Variants in TASP1 observed in about 807,000 individuals in gnomAD.
The protein encoded by TASP1 is taspase 1.
Under a neutral mutation model 56.6 loss-of-function variants are expected in TASP1, and 16 were observed. That is an observed-to-expected ratio of 0.28 (90% CI 0.19 to 0.43). The LOEUF (loss-of-function observed/expected upper bound fraction) is 0.43. TASP1 is among the 20% of genes least tolerant of loss of function. The pLI is 1.00. For missense variants in TASP1, 393 were observed against 511.6 expected (o/e 0.77, Z 2.24); for synonymous variants, 179 against 184.2 (o/e 0.97, Z 0.23).
the TASP1 span, among the ~76,000 whole-genome samples, chr20:13,236,071 C>A: frequency 0.27 from 40,516 of 151,750 alleles, 5,647 homozygotes; most frequent in African/African-American, 0.36. Flanking sequence ...ATTACAGGCA[C>A]CCACCACCAC....
the TASP1 span, among the ~76,000 whole-genome samples, chr20:13,310,126 T>C: frequency 6.6e-6 from 1 of 152,106 alleles, no homozygotes; most frequent in Non-Finnish European, 1.5e-5. Context: ...AAATACTAAA[T>C]AGCCAAAGCA....
chr20:13,348,784 T>C, the TASP1 span, among the ~76,000 whole-genome samples: 200 of 152,288 alleles, frequency 1.3e-3, no homozygotes, highest in African/African-American at 4.5e-3. Flanking sequence ...CTGCTTCCTG[T>C]TATGTTGCCA....
At chr20:13,614,228 G>A (rs1043832036) in intron 4 of TASP1, among the ~76,000 whole-genome samples, 2 of 152,080 alleles carry the variant, frequency 1.3e-5, no homozygotes, top group Non-Finnish European at 2.9e-5. Context: ...CACATTCTGT[G>A]AACACTTGAG....
intron 11 of TASP1, among the ~76,000 whole-genome samples, chr20:13,454,578 T>A (rs2043756718): frequency 6.6e-6 from 1 of 152,136 alleles, no homozygotes; most frequent in Non-Finnish European, 1.5e-5. Context: ...CTGCTCCCCA[T>A]CAGGGGGCCC....
chr20:13,255,953 T>C, the TASP1 span, among the ~76,000 whole-genome samples: 1 of 151,744 alleles, frequency 6.6e-6, no homozygotes, highest in African/African-American at 2.4e-5. Flanking sequence ...ACTGCAGTTA[T>C]AAAGAGGGAA....
the TASP1 span, among the ~76,000 whole-genome samples, chr20:13,346,265 G>T: frequency 1.1e-4 from 17 of 152,286 alleles, no homozygotes; most frequent in African/African-American, 2.9e-4. Context: ...GGGCAGAATG[G>T]ATTGTGTAGA....
the TASP1 span, among the ~76,000 whole-genome samples, chr20:13,328,783 C>T: frequency 9.2e-5 from 12 of 131,048 alleles, no homozygotes; most frequent in Admixed American, 1.0e-3. Flanking sequence ...TTGTGGGGAA[C>T]AACACACACT....
chr20:13,304,846 T>G, the TASP1 span, among the ~76,000 whole-genome samples: 26 of 152,220 alleles, frequency 1.7e-4, 1 homozygote, highest in Middle Eastern at 6.8e-3. Flanking sequence ...AACACACACT[T>G]TATTAGCTTC....
the TASP1 span, among the ~76,000 whole-genome samples, chr20:13,151,846 C>G: frequency 2.6e-5 from 4 of 152,108 alleles, no homozygotes; most frequent in Non-Finnish European, 4.4e-5. Context: ...GGACACAGCC[C>G]TTCAGGACCT....
At chr20:13,554,102 A>G (rs1024625111) in intron 8 of TASP1, among the ~76,000 whole-genome samples, 2 of 152,158 alleles carry the variant, frequency 1.3e-5, no homozygotes, top group Non-Finnish European at 2.9e-5. Context: ...TTGAATGCAG[A>G]TGTGACATCT....
chr20:13,638,336 T>C (rs1366580850), intron 1 of TASP1, among the ~76,000 whole-genome samples: 1 of 151,882 alleles, frequency 6.6e-6, no homozygotes, highest in African/African-American at 2.4e-5. Context: ...TACCCTCGAT[T>C]TCCAGGACAT....
At chr20:13,175,162 G>T in the TASP1 span, among the ~76,000 whole-genome samples, 1 of 152,078 alleles carries the variant, frequency 6.6e-6, no homozygotes, top group African/African-American at 2.4e-5. Context: ...TCCTAAACTT[G>T]CAATTCTACC....
chr20:13,470,336 AT>A (rs2044441012), intron 11 of TASP1, among the ~76,000 whole-genome samples: 1 of 152,210 alleles, frequency 6.6e-6, no homozygotes, highest in South Asian at 2.1e-4. Flanking sequence ...AGCAAAAGGC[AT>A]TCAATTCTAC....
the TASP1 span, among the ~76,000 whole-genome samples, chr20:13,310,813 G>T: frequency 6.6e-6 from 1 of 152,204 alleles, no homozygotes; most frequent in Admixed American, 6.5e-5. Context: ...TATATGTAAA[G>T]TTGCTCAATG....
chr20:13,364,028 A>C, the TASP1 span, among the ~76,000 whole-genome samples: 1 of 152,156 alleles, frequency 6.6e-6, no homozygotes, highest in African/African-American at 2.4e-5. Flanking sequence ...GTTTAATCCC[A>C]GATAAGGTTT....
intron 4 of TASP1, among the ~76,000 whole-genome samples, chr20:13,609,089 T>C (rs1167110188): frequency 1.3e-5 from 2 of 152,066 alleles, no homozygotes. Context: ...CAAATTTCAA[T>C]AACAACCCAA....
the TASP1 span, among the ~76,000 whole-genome samples, chr20:13,358,572 T>A: frequency 6.6e-6 from 1 of 152,178 alleles, no homozygotes; most frequent in African/African-American, 2.4e-5. Flanking sequence ...CTTCTCTTAA[T>A]TTCAATTCCT....
chr20:13,132,171 ATTTTTT>A, the TASP1 span, among the ~76,000 whole-genome samples: 9 of 104,000 alleles, frequency 8.7e-5, no homozygotes, highest in South Asian at 3.6e-4. Flanking sequence ...CCTTGCTTTA[ATTTTTT>A]TTTTTTTTTT....
At chr20:13,215,035 C>G in the TASP1 span, among the ~76,000 whole-genome samples, 2 of 152,202 alleles carry the variant, frequency 1.3e-5, no homozygotes, top group South Asian at 2.1e-4. Flanking sequence ...GTTTCTTGAT[C>G]GGAGTAGCAA....
Sources: allele counts gnomAD v4.1 joint callset (sites outside exome capture counted in the v4.1 genomes callset), GRCh38; gene constraint gnomAD v4.1.1; transcripts MANE v1.5; gene names NCBI Gene and HGNC (gene_info 2026-07-23, HGNC 2026-07-21).